Variants in TENM3 observed in about 807,000 individuals in gnomAD.
The protein encoded by TENM3 is teneurin-3.
TENM3 carries 63 observed loss-of-function variants against 255.1 expected under a neutral mutation model. The observed-to-expected ratio is 0.25, with a 90% CI of 0.20 to 0.30. The LOEUF (loss-of-function observed/expected upper bound fraction) is 0.30. TENM3 is among the 10% of genes least tolerant of loss of function. TENM3 has a pLI of 1.00. For missense variants in TENM3, 2,929 were observed against 3,461.1 expected, an observed-to-expected ratio of 0.85 and a Z score of 3.86; for synonymous variants, 1,306 against 1,322.3, an observed-to-expected ratio of 0.99 and a Z score of 0.27.
At chr4:182,461,038 T>C (rs1774284429) in intron 3 of TENM3, among the ~76,000 whole-genome samples, 1 of 152,208 alleles carries the variant, frequency 6.6e-6, no homozygotes, top group South Asian at 2.1e-4. Flanking sequence ...CTAATTTCTT[T>C]CCACTTACAT....
chr4:182,556,757 A>G (rs886521451), intron 3 of TENM3, among the ~76,000 whole-genome samples: 1 of 152,190 alleles, frequency 6.6e-6, no homozygotes, highest in Non-Finnish European at 1.5e-5. Context: ...ACCCACTCCT[A>G]CGTAGACTGA....
At chr4:181,808,002 GGT>G in the TENM3 span, among the ~76,000 whole-genome samples, 2 of 152,156 alleles carry the variant, frequency 1.3e-5, no homozygotes, top group African/African-American at 4.8e-5. Context: ...TTTCAATCTA[GGT>G]GTAGCATTTC....
chr4:182,729,025 C>A lies in TENM3; in HGVS notation c.2429C>A (p.Pro810His), dbSNP rs758340763. Residue 810 changes from proline (P) to histidine (H), a missense_variant, in exon 14 of 28, where the codon CCC becomes CAC. Pro to His is a moderately conservative substitution (Grantham distance 77). This residue lies in a region of TENM3 where 1,608 missense variants were observed against 1,884.4 expected (regional missense o/e 0.85). Coordinates refer to ENST00000511685, the MANE Select transcript of TENM3 (RefSeq NM_001080477.4). ...CTACAGAGTTCCTGCCAGAATCAGC[C>A]CTATTGTCGGGGACTGCCGGATCCT... The part of the protein sequence containing the change: ...CCLQSSCQNQ[P>H]YCRGLPDPQD... 5 of 1,613,846 alleles carry A rather than the reference C, an allele frequency of 3.1e-6. No homozygotes were observed. The highest frequency in any genetic ancestry group is 4.2e-6 in the Non-Finnish European group (5 of 1,179,892).
At chr4:182,514,246 C>T (rs571341119) in intron 3 of TENM3, among the ~76,000 whole-genome samples, 12 of 152,246 alleles carry the variant, frequency 7.9e-5, no homozygotes, top group Non-Finnish European at 1.8e-4. Flanking sequence ...TGAGGAGAAA[C>T]ATTCAGAGAT....
At chr4:182,673,426 C>T (rs1257302836) in intron 7 of TENM3, among the ~76,000 whole-genome samples, 1 of 152,086 alleles carries the variant, frequency 6.6e-6, no homozygotes, top group Non-Finnish European at 1.5e-5. Flanking sequence ...CCTGATTTGA[C>T]TGTTTAAAAT....
At position 182,567,842 on chromosome 4, in the gene TENM3, CAA is replaced by C. The variant is rs199801857; in HGVS notation, c.512-33066_512-33065del. Among the ~76,000 whole-genome samples the C allele has an allele frequency of 5.4e-3, 687 of 127,256 alleles. 16 individuals carry two copies. Among genetic ancestry groups the C allele is most frequent in the East Asian group, 0.038 (170 of 4,456 alleles). 83.5% of individuals were successfully genotyped at this position (127,256 alleles called of 152,430 possible). ...TGTCTCCCCCCAATAGAATGTAATC[CAA>C]AAAAAAAAAAAAAAACAGAAATAGG... On this transcript the variant is annotated intron_variant, in intron 3 of 27. Transcript: ENST00000511685.
chr4:181,535,248 G>C, the TENM3 span, among the ~76,000 whole-genome samples: 2 of 152,166 alleles, frequency 1.3e-5, no homozygotes. Flanking sequence ...CCTGGGAGTA[G>C]GGATTGGTGA....
chr4:181,455,542 T>A, the TENM3 span, among the ~76,000 whole-genome samples: 1 of 152,114 alleles, frequency 6.6e-6, no homozygotes. Flanking sequence ...AATCACTTTT[T>A]AAGATATTGA....
chr4:182,448,177 C>A (rs1166004732), intron 3 of TENM3, among the ~76,000 whole-genome samples: 3 of 152,194 alleles, frequency 2.0e-5, no homozygotes, highest in Non-Finnish European at 2.9e-5. Flanking sequence ...TGGGGGTCCG[C>A]GACTGCTGCG....
chr4:182,601,231 A>G (rs764538339), intron 4 of TENM3, 70 bp downstream of exon 4: 1 of 1,238,280 alleles, frequency 8.1e-7, no homozygotes, highest in Non-Finnish European at 1.2e-6. Flanking sequence ...CTATACTTAC[A>G]TATTCTGGTG....
At chr4:182,063,727 G>A in the TENM3 span, among the ~76,000 whole-genome samples, 7 of 152,190 alleles carry the variant, frequency 4.6e-5, no homozygotes, top group African/African-American at 7.2e-5. Flanking sequence ...TACAAGAAGC[G>A]TTAGACATGG....
intron 1 of TENM3, among the ~76,000 whole-genome samples, chr4:182,219,279 A>G (rs1034114088): frequency 1.3e-5 from 2 of 152,146 alleles, no homozygotes; most frequent in African/African-American, 4.8e-5. Context: ...GAAGAGAGCG[A>G]AGTAATTGAA....
At chr4:181,512,578 C>T in the TENM3 span, among the ~76,000 whole-genome samples, 2 of 152,256 alleles carry the variant, frequency 1.3e-5, no homozygotes, top group South Asian at 4.1e-4. Flanking sequence ...TGGAAAGGCT[C>T]AATGATTACA....
the TENM3 span, among the ~76,000 whole-genome samples, chr4:181,939,745 G>A: frequency 6.6e-6 from 1 of 152,212 alleles, no homozygotes; most frequent in African/African-American, 2.4e-5. Context: ...CAGGGTGAGT[G>A]GAGAATACCG....
the TENM3 span, among the ~76,000 whole-genome samples, chr4:181,789,115 A>T: frequency 6.6e-6 from 1 of 152,154 alleles, no homozygotes; most frequent in East Asian, 1.9e-4. Flanking sequence ...TTAATATGAT[A>T]TACATTTGGT....
In TENM3 at chr4:182,789,243, G is replaced by A. The variant is rs370453419; in HGVS notation, c.5455G>A (p.Val1819Ile). 254 of 1,613,592 alleles carry A rather than the reference G, an allele frequency of 1.6e-4. 2 individuals carry two copies. In the South Asian group the frequency reaches 1.8e-3, roughly 12 times the overall value. The change falls in exon 25 of 28, where the codon GTC (valine) becomes ATC (isoleucine). Residue 1819 changes from valine (V) to isoleucine (I), a missense_variant. Transcript: ENST00000511685. This position sits in a 1 kb window ranked among gnomAD's most constrained non-coding sequence, Gnocchi z 4.4. ...GCTGCCAAGCAGCAAGCTGATGGCC[G>A]TCAATGTCACCTATTCATCCACAGG... ...LWLPSSKLMAVNVTYSSTGQI... is the reference protein window; with the variant it reads ...LWLPSSKLMAINVTYSSTGQI...
At chr4:181,713,886 C>T in the TENM3 span, among the ~76,000 whole-genome samples, 527 of 152,216 alleles carry the variant, frequency 3.5e-3, 1 homozygote, top group African/African-American at 0.012. Flanking sequence ...CTTAGCCAAG[C>T]CAGCGTTTCC....
chr4:182,628,933 G>C (rs1751091221), intron 5 of TENM3, 44 bp downstream of exon 5: 1 of 1,164,052 alleles, frequency 8.6e-7, no homozygotes, highest in Non-Finnish European at 1.2e-6. Context: ...AAATCAGGGT[G>C]TTACATTGTT....
At chr4:181,653,082 T>C in the TENM3 span, among the ~76,000 whole-genome samples, 2,759 of 152,294 alleles carry the variant, frequency 0.018, 102 homozygotes, top group African/African-American at 0.064. Context: ...TCTGGAGTTA[T>C]TTACCCGGAG....
Sources: allele counts gnomAD v4.1 joint callset (sites outside exome capture counted in the v4.1 genomes callset), GRCh38; gene constraint gnomAD v4.1.1; regional missense constraint gnomAD v4.1.1; non-coding constraint Gnocchi (gnomAD v3.1); transcripts MANE v1.5; gene names NCBI Gene and HGNC (gene_info 2026-07-23, HGNC 2026-07-21).